The following ALK variants were observed in gnomAD, a reference collection of about 807,000 sequenced individuals.
ALK encodes the protein ALK tyrosine kinase receptor.
ALK carries 74 observed loss-of-function variants against 163.1 expected under a neutral mutation model. The observed-to-expected ratio is 0.45, with a 90% CI of 0.38 to 0.55. The LOEUF (loss-of-function observed/expected upper bound fraction) is 0.55, where lower values mean the gene tolerates loss of function less well. ALK is among the 20% of genes least tolerant of loss of function. ALK has a pLI of 0.00. For synonymous variants in ALK, 960 were observed against 843.2 expected, an observed-to-expected ratio of 1.14 and a Z score of -2.40; for missense variants, 2,063 against 2,105.3, an observed-to-expected ratio of 0.98 and a Z score of 0.39.
At chr2:29,786,451 A>G (rs1664026466) in intron 1 of ALK, among the ~76,000 whole-genome samples, 1 of 152,220 alleles carries the variant, frequency 6.6e-6, no homozygotes, top group African/African-American at 2.4e-5. Flanking sequence ...AACTTCTCCT[A>G]GAAAGGAAAT....
At chr2:29,373,395 G>A (rs957801132) in intron 5 of ALK, among the ~76,000 whole-genome samples, 3 of 152,100 alleles carry the variant, frequency 2.0e-5, no homozygotes, top group Non-Finnish European at 1.5e-5. Flanking sequence ...CAAATTACTT[G>A]TAAAATAGAC....
At chr2:29,649,353 AT>A (rs1278707027) in intron 3 of ALK, among the ~76,000 whole-genome samples, 1 of 151,650 alleles carries the variant, frequency 6.6e-6, no homozygotes, top group African/African-American at 2.4e-5. Flanking sequence ...CTTTGTTTTA[AT>A]TTGCGTTTTG....
intron 3 of ALK, among the ~76,000 whole-genome samples, chr2:29,583,959 T>C (rs4293531): frequency 0.97 from 147,167 of 152,216 alleles, 71,352 homozygotes; most frequent in Non-Finnish European, 1. Flanking sequence ...GCTCTGCATC[T>C]TGAACACTCT....
chr2:29,616,517 G>A (rs905443213), intron 3 of ALK, among the ~76,000 whole-genome samples: 6 of 152,096 alleles, frequency 3.9e-5, no homozygotes, highest in Non-Finnish European at 5.9e-5. Context: ...CAAAACAGAC[G>A]CCCCCTGATG....
chr2:29,916,384 A>G (rs973859866), intron 1 of ALK, among the ~76,000 whole-genome samples: 5 of 152,206 alleles, frequency 3.3e-5, no homozygotes, highest in Admixed American at 2.6e-4. Context: ...TAGCCCAGCC[A>G]TATATATTTA....
chr2:29,904,609 A>G (rs545963749), intron 1 of ALK, among the ~76,000 whole-genome samples: 1 of 152,284 alleles, frequency 6.6e-6, no homozygotes, highest in Non-Finnish European at 1.5e-5. Flanking sequence ...AATTTACCTC[A>G]TTTACTCCTC....
chr2:29,767,196 A>G (rs1487475367), intron 1 of ALK, among the ~76,000 whole-genome samples: 2 of 152,234 alleles, frequency 1.3e-5, no homozygotes, highest in African/African-American at 4.8e-5. Context: ...TGAAGTGTTC[A>G]TTAGTAAGAA....
At chr2:29,248,495 G>A (rs559690320) in intron 12 of ALK, among the ~76,000 whole-genome samples, 62 of 152,250 alleles carry the variant, frequency 4.1e-4, no homozygotes, top group African/African-American at 1.4e-3. Context: ...CCAACTGAGC[G>A]GCTTTTGGTT....
At chr2:29,522,186 C>G (rs1672832582) in intron 4 of ALK, among the ~76,000 whole-genome samples, 1 of 152,198 alleles carries the variant, frequency 6.6e-6, no homozygotes. Flanking sequence ...TAGCTGGGCT[C>G]AGATCCAGTC....
intron 3 of ALK, among the ~76,000 whole-genome samples, chr2:29,645,040 G>A (rs1211149309): frequency 6.6e-6 from 1 of 152,082 alleles, no homozygotes; most frequent in Non-Finnish European, 1.5e-5. Flanking sequence ...CCAAAGCCAA[G>A]ACTGCCCAGA....
At chr2:29,715,951 C>T (rs1312068432) in intron 2 of ALK, among the ~76,000 whole-genome samples, 1 of 152,098 alleles carries the variant, frequency 6.6e-6, no homozygotes. Context: ...TTATAAACTG[C>T]CCCAGGGTTT....
chr2:29,665,150 A>G (rs887263287), intron 3 of ALK, among the ~76,000 whole-genome samples: 11 of 151,268 alleles, frequency 7.3e-5, no homozygotes, highest in African/African-American at 2.4e-4. Flanking sequence ...TTATGCTTGG[A>G]TAATTCTTGT....
At chr2:29,437,302 G>C (rs551128259) in intron 4 of ALK, among the ~76,000 whole-genome samples, 2 of 152,186 alleles carry the variant, frequency 1.3e-5, no homozygotes, top group South Asian at 4.2e-4. Context: ...TGTTTCTCCA[G>C]AGAATCTGTT....
intron 11 of ALK, among the ~76,000 whole-genome samples, chr2:29,251,854 T>A (rs777771809): frequency 5.9e-5 from 9 of 152,178 alleles, no homozygotes; most frequent in Non-Finnish European, 1.2e-4. Context: ...GGACCCAGGC[T>A]GGTGGTGGGA....
At chr2:29,427,729 G>T (rs959602676) in intron 4 of ALK, among the ~76,000 whole-genome samples, 2 of 151,976 alleles carry the variant, frequency 1.3e-5, no homozygotes, top group African/African-American at 2.4e-5. Context: ...AACGCAAATG[G>T]ACTAAACAAT....
Position 29,193,198 on chromosome 2 carries a change from G to A in ALK, c.*26C>T, listed in dbSNP as rs987583019. Reference sequence around the variant, plus strand: ...CCTCCACGGTCTTAGGGATCCCAAGGAAGAGAAGTGAGTGTGCGACCGAGC... The same window carrying A: ...CCTCCACGGTCTTAGGGATCCCAAGAAAGAGAAGTGAGTGTGCGACCGAGC... On this transcript the variant is annotated 3_prime_UTR_variant, in exon 29 of 29. Transcript: ENST00000389048. The A allele has an allele frequency of 1.9e-6, 3 of 1,609,512 alleles. No homozygotes were observed. Among genetic ancestry groups the A allele is most frequent in the Non-Finnish European group, 2.5e-6 (3 of 1,176,680 alleles).
At chr2:29,783,635 C>A (rs538773488) in intron 1 of ALK, among the ~76,000 whole-genome samples, 5 of 152,344 alleles carry the variant, frequency 3.3e-5, no homozygotes, top group African/African-American at 1.2e-4. Flanking sequence ...TGAGAAATCT[C>A]TACTGAGTTT....
chr2:29,381,788 T>C lies in ALK; in HGVS notation c.1282+1944A>G, dbSNP rs904430273. The stretch of plus-strand genomic sequence containing the variant: ...TTGCCTACATCGAATAGACATTGAG[T>C]ATGCCTTTAAAGTAACCCCTTCCCT... On this transcript the variant is annotated intron_variant, in intron 5 of 28. Transcript: ENST00000389048. Among the ~76,000 whole-genome samples, 113 of 152,332 alleles carry C rather than the reference T, an allele frequency of 7.4e-4. 1 individual carries two copies. Among genetic ancestry groups the C allele is most frequent in the African/African-American group, 2.5e-3 (104 of 41,570 alleles).
At chr2:29,484,483 G>C (rs1266468856) in intron 4 of ALK, among the ~76,000 whole-genome samples, 2 of 152,088 alleles carry the variant, frequency 1.3e-5, no homozygotes, top group Non-Finnish European at 2.9e-5. Context: ...AACTTAGCAA[G>C]CTTTAAGTAT....
Sources: gnomAD v4.1 joint callset for allele counts (sites outside exome capture counted in the v4.1 genomes callset) on GRCh38, gnomAD v4.1.1 for gene constraint, MANE v1.5 for transcripts, NCBI Gene and HGNC (gene_info 2026-07-23, HGNC 2026-07-21) for gene names.